The following RPS6KC1 variants were observed in gnomAD, a reference collection of about 807,000 sequenced individuals.
RPS6KC1 encodes the protein inactive ribosomal protein S6 kinase delta-1.
Under a neutral mutation model 103.8 loss-of-function variants are expected in RPS6KC1, and 54 were observed. The observed-to-expected ratio is 0.52, with a 90% CI of 0.42 to 0.65. The LOEUF is 0.65. RPS6KC1 is among the 30% of genes least tolerant of loss of function. RPS6KC1 has a pLI of 0.00. For missense variants in RPS6KC1, 1,151 were observed against 1,253.8 expected (o/e 0.92, Z 1.24); for synonymous variants, 439 against 438.7 (o/e 1.00, Z -0.01).
intron 3 of RPS6KC1, among the ~76,000 whole-genome samples, chr1:213,090,179 G>T (rs550867619): frequency 6.6e-6 from 1 of 152,302 alleles, no homozygotes; most frequent in African/African-American, 2.4e-5. Flanking sequence ...TAAATATGAA[G>T]ATGAAGATAA....
chr1:213,264,280 C>G (rs1005983433), intron 14 of RPS6KC1, among the ~76,000 whole-genome samples: 3 of 151,836 alleles, frequency 2.0e-5, no homozygotes, highest in Admixed American at 6.6e-5. Flanking sequence ...ATGAGAATAC[C>G]TAGAGCACTT....
At chr1:213,487,601 A>G in the RPS6KC1 span, among the ~76,000 whole-genome samples, 1 of 152,040 alleles carries the variant, frequency 6.6e-6, no homozygotes, top group Non-Finnish European at 1.5e-5. Context: ...CCTGCTCAGT[A>G]TGAGCCCTTA....
chr1:213,610,661 G>T, the RPS6KC1 span, among the ~76,000 whole-genome samples: 1 of 152,252 alleles, frequency 6.6e-6, no homozygotes, highest in East Asian at 1.9e-4. Flanking sequence ...TTATAGTCTG[G>T]AACACACTCC....
At chr1:213,672,770 G>A in the RPS6KC1 span, among the ~76,000 whole-genome samples, 11 of 152,140 alleles carry the variant, frequency 7.2e-5, no homozygotes, top group East Asian at 1.9e-3. Context: ...ACCAACAGTG[G>A]GCTAGATGTT....
chr1:213,268,510 G>A (rs1044131450), intron 14 of RPS6KC1, among the ~76,000 whole-genome samples: 1 of 149,746 alleles, frequency 6.7e-6, no homozygotes, highest in Non-Finnish European at 1.5e-5. Flanking sequence ...TTGTAGATAT[G>A]AGTTCATAGA....
At chr1:213,426,173 C>T in the RPS6KC1 span, among the ~76,000 whole-genome samples, 7 of 152,262 alleles carry the variant, frequency 4.6e-5, no homozygotes, top group South Asian at 6.2e-4. Context: ...TTCTGACTGC[C>T]AGGTGACCTC....
chr1:213,789,211 T>G, the RPS6KC1 span, among the ~76,000 whole-genome samples: 2,404 of 152,270 alleles, frequency 0.016, 25 homozygotes, highest in South Asian at 0.043. Context: ...ACACCAACTA[T>G]TAATTATGTC....
chr1:213,619,853 A>G, the RPS6KC1 span, among the ~76,000 whole-genome samples: 13 of 152,262 alleles, frequency 8.5e-5, no homozygotes, highest in African/African-American at 3.1e-4. Context: ...AATCTGAAAA[A>G]TAGAATGGAG....
the RPS6KC1 span, among the ~76,000 whole-genome samples, chr1:213,643,991 A>G: frequency 6.6e-6 from 1 of 152,046 alleles, no homozygotes; most frequent in African/African-American, 2.4e-5. Flanking sequence ...TTTCTTTTAT[A>G]CAAAGCAAGA....
the RPS6KC1 span, among the ~76,000 whole-genome samples, chr1:213,649,085 C>T: frequency 6.6e-6 from 1 of 152,044 alleles, no homozygotes; most frequent in African/African-American, 2.4e-5. Context: ...GAAGAGGCGG[C>T]ATCCTCCTGC....
chr1:213,202,474 G>T (rs186627753), intron 8 of RPS6KC1, among the ~76,000 whole-genome samples: 1 of 152,158 alleles, frequency 6.6e-6, no homozygotes, highest in Non-Finnish European at 1.5e-5. Context: ...TTAGCCAGGT[G>T]TGGTGGCGGG....
At chr1:213,063,045 T>C (rs1187954493) in intron 1 of RPS6KC1, among the ~76,000 whole-genome samples, 1 of 152,232 alleles carries the variant, frequency 6.6e-6, no homozygotes, top group Non-Finnish European at 1.5e-5. Flanking sequence ...GGGCTGACTT[T>C]GGGTCTTTTC....
the RPS6KC1 span, among the ~76,000 whole-genome samples, chr1:213,603,509 C>A: frequency 6.6e-6 from 1 of 152,150 alleles, no homozygotes; most frequent in African/African-American, 2.4e-5. Flanking sequence ...TGATGTTATA[C>A]CTAACATCCA....
chr1:213,372,671 A>G, the RPS6KC1 span, among the ~76,000 whole-genome samples: 1 of 152,198 alleles, frequency 6.6e-6, no homozygotes, highest in Admixed American at 6.5e-5. Context: ...TGTTTTTAAA[A>G]TTCATGACAA....
At chr1:213,140,234 A>G (rs961095128) in intron 6 of RPS6KC1, among the ~76,000 whole-genome samples, 1 of 152,068 alleles carries the variant, frequency 6.6e-6, no homozygotes, top group Non-Finnish European at 1.5e-5. Context: ...AAGATCTGGG[A>G]GCCTTTGAGC....
Position 213,070,988 on chromosome 1 carries a change from A to C in RPS6KC1, c.106-18A>C, listed in dbSNP as rs79466500. The C allele has an allele frequency of 1.8e-3, 2,652 of 1,465,126 alleles. 9 individuals carry two copies. Among genetic ancestry groups the C allele is most frequent in the Non-Finnish European group, 2.2e-3 (2,377 of 1,065,910 alleles). 90.8% of individuals were successfully genotyped at this position (1,465,126 alleles called of 1,614,324 possible). The stretch of plus-strand genomic sequence containing the variant: ...ATTTTGATAATGATTAGAGATTTCT[A>C]TGTATGTTTTGTTTTAGGTTGTTTC... On this transcript the variant is annotated intron_variant, in intron 1 of 14. Transcript: ENST00000366960.
chr1:213,768,845 A>G, the RPS6KC1 span, among the ~76,000 whole-genome samples: 1 of 152,212 alleles, frequency 6.6e-6, no homozygotes, highest in East Asian at 1.9e-4. Context: ...GGAGAGAACA[A>G]CGCCTGCAGA....
the RPS6KC1 span, among the ~76,000 whole-genome samples, chr1:213,724,949 A>G: frequency 2.0e-5 from 3 of 152,188 alleles, 1 homozygote; most frequent in East Asian, 5.8e-4. Context: ...CCTAAAATCC[A>G]TCTGATGGAC....
intron 10 of RPS6KC1, among the ~76,000 whole-genome samples, chr1:213,232,985 A>T (rs927336084): frequency 6.6e-6 from 1 of 152,210 alleles, no homozygotes; most frequent in African/African-American, 2.4e-5. Flanking sequence ...ATAGTAAAAA[A>T]TTTTTAAATT....
Sources: allele counts gnomAD v4.1 joint callset (sites outside exome capture counted in the v4.1 genomes callset), GRCh38; gene constraint gnomAD v4.1.1; transcripts MANE v1.5; gene names NCBI Gene and HGNC (gene_info 2026-07-23, HGNC 2026-07-21).